KAZN: variants seen among roughly 807,000 people sequenced by gnomAD.
KAZN encodes kazrin, periplakin interacting protein.
Under a neutral mutation model 87.4 loss-of-function variants are expected in KAZN, and 40 were observed. That is an observed-to-expected ratio of 0.46 (90% CI 0.36 to 0.60). The LOEUF (loss-of-function observed/expected upper bound fraction) is 0.60, where lower values mean the gene tolerates loss of function less well. KAZN is among the 20% of genes least tolerant of loss of function. The pLI is 0.00. For synonymous variants in KAZN, 466 were observed against 458.3 expected, an observed-to-expected ratio of 1.02 and a Z score of -0.22; for missense variants, 898 against 1,073.9, an observed-to-expected ratio of 0.84 and a Z score of 2.29.
At chr1:15,109,895 G>A (rs1641444641) in intron 13 of KAZN, among the ~76,000 whole-genome samples, 1 of 151,534 alleles carries the variant, frequency 6.6e-6, no homozygotes, top group Non-Finnish European at 1.5e-5. Flanking sequence ...GTGCTTGTGT[G>A]TATATGTGTT....
intron 1 of KAZN, among the ~76,000 whole-genome samples, chr1:13,996,260 C>A (rs928429122): frequency 1.3e-5 from 2 of 152,162 alleles, no homozygotes; most frequent in African/African-American, 4.8e-5. Context: ...AGAGTCCCAA[C>A]CCCCGAGCCG....
At chr1:14,963,719 C>G (rs1311548691) in intron 2 of KAZN, among the ~76,000 whole-genome samples, 2 of 152,178 alleles carry the variant, frequency 1.3e-5, no homozygotes, top group Non-Finnish European at 2.9e-5. Flanking sequence ...TGGTTTGCTG[C>G]ACCTGTCAAC....
At chr1:14,961,016 T>C in intron 2 of KAZN, 141 bp downstream of exon 2, 2 of 830,594 alleles carry the variant, frequency 2.4e-6, no homozygotes, top group South Asian at 3.9e-5. Context: ...CCCTGTCCCT[T>C]CTTCGAGTGG....
At chr1:13,956,022 C>T (rs935052616) in intron 1 of KAZN, among the ~76,000 whole-genome samples, 3 of 152,186 alleles carry the variant, frequency 2.0e-5, no homozygotes, top group Non-Finnish European at 4.4e-5. Flanking sequence ...CTCGTAGGAC[C>T]TGTAGTGAGG....
At chr1:14,020,600 C>T (rs1359192016) in intron 1 of KAZN, among the ~76,000 whole-genome samples, 1 of 152,176 alleles carries the variant, frequency 6.6e-6, no homozygotes, top group African/African-American at 2.4e-5. Flanking sequence ...TCTGAATGTA[C>T]TGTGCTGGAT....
At chr1:14,377,223 A>G (rs758593491) in intron 2 of KAZN, among the ~76,000 whole-genome samples, 1 of 152,124 alleles carries the variant, frequency 6.6e-6, no homozygotes, top group Non-Finnish European at 1.5e-5. Context: ...GAATCAACCC[A>G]CCCTTAAGGT....
chr1:14,042,522 C>A (rs1270145004), intron 1 of KAZN, among the ~76,000 whole-genome samples: 1 of 152,186 alleles, frequency 6.6e-6, no homozygotes, highest in African/African-American at 2.4e-5. Flanking sequence ...TCTCCCTCTG[C>A]CAGAACTTAA....
intron 1 of KAZN, among the ~76,000 whole-genome samples, chr1:14,085,287 G>A (rs368517785): frequency 3.3e-5 from 5 of 152,256 alleles, no homozygotes; most frequent in East Asian, 3.9e-4. Context: ...CATAATTTAC[G>A]TAAGATAAAT....
chr1:14,196,956 T>C (rs751310698), intron 2 of KAZN, among the ~76,000 whole-genome samples: 15 of 151,842 alleles, frequency 9.9e-5, no homozygotes, highest in East Asian at 2.0e-4. Context: ...AAGCTGAAAA[T>C]GATCCTTTGT....
chr1:15,073,970 C>A (rs570847235), intron 8 of KAZN, among the ~76,000 whole-genome samples: 1 of 152,292 alleles, frequency 6.6e-6, no homozygotes. Context: ...CCTGAGGAGG[C>A]CCAGTCTTCT....
intron 1 of KAZN, among the ~76,000 whole-genome samples, chr1:14,135,193 C>T (rs1645082614): frequency 6.6e-6 from 1 of 152,226 alleles, no homozygotes; most frequent in Non-Finnish European, 1.5e-5. Flanking sequence ...CAGGCCTGCT[C>T]ATCTCTGCTT....
At chr1:14,591,151 T>C (rs562918105) in intron 2 of KAZN, among the ~76,000 whole-genome samples, 5 of 150,066 alleles carry the variant, frequency 3.3e-5, no homozygotes, top group Non-Finnish European at 5.9e-5. Context: ...CTGTTCTGGG[T>C]TGCTGGAAAA....
At chr1:14,249,837 G>A (rs1009156249) in intron 2 of KAZN, among the ~76,000 whole-genome samples, 3 of 151,814 alleles carry the variant, frequency 2.0e-5, no homozygotes, top group Non-Finnish European at 4.4e-5. Context: ...TCTCAGTCTT[G>A]TATTATCAGA....
At chr1:14,198,927 T>C (rs1367283667) in intron 2 of KAZN, among the ~76,000 whole-genome samples, 1 of 152,166 alleles carries the variant, frequency 6.6e-6, no homozygotes, top group Non-Finnish European at 1.5e-5. Context: ...CTGGGTAATC[T>C]GGCTTCAGAG....
At chr1:14,881,493 A>G (rs1462985944) in intron 1 of KAZN, among the ~76,000 whole-genome samples, 1 of 152,214 alleles carries the variant, frequency 6.6e-6, no homozygotes, top group Non-Finnish European at 1.5e-5. Context: ...ATCTTGCCGA[A>G]TCTTCCATTT....
chr1:15,034,994 A>T, intron 3 of KAZN, 109 bp downstream of exon 3: 2 of 1,373,334 alleles, frequency 1.5e-6, no homozygotes, highest in Non-Finnish European at 2.0e-6. Context: ...AAACACAGAT[A>T]GGGAGGCCCT....
At chr1:14,928,286 T>C (rs1421917098) in intron 1 of KAZN, among the ~76,000 whole-genome samples, 4 of 152,006 alleles carry the variant, frequency 2.6e-5, no homozygotes, top group Admixed American at 2.6e-4. Flanking sequence ...CCGTCTCTAC[T>C]AAAAATACAA....
intron 1 of KAZN, among the ~76,000 whole-genome samples, chr1:13,923,027 A>G (rs746309547): frequency 1.1e-4 from 17 of 152,188 alleles, no homozygotes; most frequent in Non-Finnish European, 2.4e-4. Flanking sequence ...GGAAAAGTCA[A>G]GCTGGAACAT....
At chr1:14,050,012 A>T (rs1428803781) in intron 1 of KAZN, among the ~76,000 whole-genome samples, 1 of 152,160 alleles carries the variant, frequency 6.6e-6, no homozygotes, top group Non-Finnish European at 1.5e-5. Flanking sequence ...AGAGGGGCCA[A>T]CTGTGTGCAT....
Sources: gnomAD v4.1 joint callset for allele counts (sites outside exome capture counted in the v4.1 genomes callset) on GRCh38, gnomAD v4.1.1 for gene constraint, MANE v1.5 for transcripts, NCBI Gene and HGNC (gene_info 2026-07-23, HGNC 2026-07-21) for gene names.